Variants in TULP4 observed in about 807,000 individuals in gnomAD.
The protein encoded by TULP4 is TUB like protein 4.
In TULP4, 16 loss-of-function variants were observed where a neutral mutation model predicts 129.0. The ratio of observed to expected loss-of-function variants is 0.12; its 90% CI spans 0.08 to 0.19. The LOEUF is 0.19. Ranked by LOEUF, TULP4 falls within the 10% of genes least tolerant of loss-of-function variation. TULP4 has a pLI of 1.00. For missense variants in TULP4, 1,842 were observed against 2,059.1 expected, an observed-to-expected ratio of 0.89 and a Z score of 2.04; for synonymous variants, 998 against 854.0, an observed-to-expected ratio of 1.17 and a Z score of -2.94.
intron 1 of TULP4, among the ~76,000 whole-genome samples, chr6:158,327,867 T>C (rs1309025866): frequency 2.0e-5 from 3 of 152,178 alleles, no homozygotes; most frequent in Non-Finnish European, 2.9e-5. Context: ...ATGAATCTCT[T>C]TGGCATCTTT....
chr6:158,348,128 G>T (rs1780355678), intron 1 of TULP4, among the ~76,000 whole-genome samples: 1 of 147,516 alleles, frequency 6.8e-6, no homozygotes, highest in South Asian at 2.1e-4. Flanking sequence ...AAATCCACTG[G>T]CCCTGTGCAT....
chr6:158,456,216 T>G (rs768462939), intron 5 of TULP4, among the ~76,000 whole-genome samples: 3 of 152,186 alleles, frequency 2.0e-5, no homozygotes, highest in Non-Finnish European at 4.4e-5. Context: ...TTTTATTCTC[T>G]TCTCTGGTGG....
chr6:158,373,958 G>T (rs910273372), intron 1 of TULP4, among the ~76,000 whole-genome samples: 3 of 152,080 alleles, frequency 2.0e-5, no homozygotes, highest in Non-Finnish European at 4.4e-5. Flanking sequence ...TGTGAGAAAG[G>T]CTTAATTTTC....
intron 1 of TULP4, among the ~76,000 whole-genome samples, chr6:158,358,978 C>T (rs776624890): frequency 7.2e-5 from 11 of 152,114 alleles, no homozygotes; most frequent in South Asian, 2.1e-4. Flanking sequence ...CAATCTAAGC[C>T]GTTTCAGCTT....
chr6:158,405,139 T>G (rs1336684869), intron 1 of TULP4, among the ~76,000 whole-genome samples: 1 of 152,224 alleles, frequency 6.6e-6, no homozygotes, highest in Admixed American at 6.5e-5. Flanking sequence ...TTAAACTTAT[T>G]GTTGCTGAAA....
At chr6:158,429,073 C>T (rs1366211830) in intron 2 of TULP4, among the ~76,000 whole-genome samples, 2 of 152,192 alleles carry the variant, frequency 1.3e-5, no homozygotes, top group Non-Finnish European at 2.9e-5. Flanking sequence ...GCCTCAACCT[C>T]CTAGGCTCAA....
At chr6:158,420,037 G>A (rs1185129954) in intron 2 of TULP4, among the ~76,000 whole-genome samples, 1 of 152,180 alleles carries the variant, frequency 6.6e-6, no homozygotes, top group African/African-American at 2.4e-5. Flanking sequence ...TCTAGGGCAG[G>A]ATTCTGCAAA....
In TULP4 at chr6:158,238,594, C is replaced by G. The variant is rs1223094745; in HGVS notation, n.68+6291C>G. ...CTGCGGCCTTCCGCAGTGTTTGTGT[C>G]CCTGATTACTTGAGATTAGGGATTG... On this transcript the variant is annotated intron_variant and non_coding_transcript_variant, in intron 1 of 1. Coordinates refer to the TULP4 transcript ENST00000620026. Among the ~76,000 whole-genome samples, 356 of 116,874 alleles carry G rather than the reference C, an allele frequency of 3.0e-3. 2 individuals are homozygous for G. Among genetic ancestry groups the G allele is most frequent in the African/African-American group, 0.011 (336 of 30,384 alleles). 76.7% of individuals were successfully genotyped at this position (116,874 alleles called of 152,430 possible). A position where few individuals can be genotyped will look rare whatever the true frequency, so the allele number is the denominator to read the frequency against.
At chr6:158,492,107 C>G (rs931912138) in intron 9 of TULP4, among the ~76,000 whole-genome samples, 8 of 152,208 alleles carry the variant, frequency 5.3e-5, no homozygotes, top group Non-Finnish European at 1.0e-4. Flanking sequence ...ATCCGCCCGC[C>G]TTGGCCTCCC....
intron 1 of TULP4, among the ~76,000 whole-genome samples, chr6:158,337,124 T>TTG: frequency 1.0e-5 from 1 of 96,612 alleles, no homozygotes; most frequent in Non-Finnish European, 2.0e-5. Context: ...CTCTCTTTCT[T>TTG]TCTCTTTTTT....
intron 5 of TULP4, 22 bp downstream of exon 5, chr6:158,452,290 C>A: frequency 1.2e-6 from 2 of 1,612,368 alleles, no homozygotes; most frequent in East Asian, 2.2e-5. Context: ...TGCACACACC[C>A]CAAACCTGCA....
At chr6:158,406,507 T>A (rs1009244401) in intron 1 of TULP4, among the ~76,000 whole-genome samples, 2 of 152,222 alleles carry the variant, frequency 1.3e-5, no homozygotes, top group African/African-American at 4.8e-5. Context: ...GCAGCTATGA[T>A]GAGTGGAAAA....
At chr6:158,353,048 G>GA (rs1406829120) in intron 1 of TULP4, among the ~76,000 whole-genome samples, 3 of 152,158 alleles carry the variant, frequency 2.0e-5, no homozygotes, top group African/African-American at 7.2e-5. Flanking sequence ...TCCAGCTGAT[G>GA]AAAAAAGTTT....
In TULP4 at chr6:158,507,965, A is replaced by G. The variant is rs2128269026; in HGVS notation, c.*1271A>G. ...TGTTTATTAACTGTACAGACTGTTT[A>G]CTAAGGAGCTAAACCACTGAGAAAA... On this transcript the variant is annotated 3_prime_UTR_variant, in exon 14 of 14. Transcript: ENST00000367097. 6.6e-6 allele frequency: 1 copy of G among 152,210 alleles called. No individual in the cohort carries two copies. The highest frequency in any genetic ancestry group is 2.1e-4 in the South Asian group (1 of 4,832). The allele number at this position is 152,210 out of a possible 1,614,324, so 9.4% of individuals were successfully genotyped here.
chr6:158,505,217 TC>T (rs1780573597), intron 13 of TULP4, among the ~76,000 whole-genome samples: 1 of 152,144 alleles, frequency 6.6e-6, no homozygotes, highest in African/African-American at 2.4e-5. Context: ...GCTGCCAACG[TC>T]CCCCTTCACC....
chr6:158,461,802 A>G, intron 6 of TULP4, 73 bp downstream of exon 6: 20 of 1,493,948 alleles, frequency 1.3e-5, no homozygotes, highest in Non-Finnish European at 1.7e-5. Flanking sequence ...ATTATTGTTG[A>G]CAAATTTTAT....
At chr6:158,487,519 A>C (rs1780099974) in intron 8 of TULP4, among the ~76,000 whole-genome samples, 1 of 152,246 alleles carries the variant, frequency 6.6e-6, no homozygotes, top group Non-Finnish European at 1.5e-5. Context: ...TGAGATGTAA[A>C]GCCCCAGACA....
At chr6:158,347,477 C>T (rs1184705395) in intron 1 of TULP4, among the ~76,000 whole-genome samples, 1 of 152,174 alleles carries the variant, frequency 6.6e-6, no homozygotes, top group Non-Finnish European at 1.5e-5. Context: ...TCTTTTAGTC[C>T]ACATAACGGC....
chr6:158,251,139 C>T (rs1165917659), intron 1 of TULP4, among the ~76,000 whole-genome samples: 1 of 152,194 alleles, frequency 6.6e-6, no homozygotes, highest in Non-Finnish European at 1.5e-5. Flanking sequence ...CCTTTCTCTT[C>T]ATTTTGTGTC....
Sources: gnomAD v4.1 joint callset for allele counts (sites outside exome capture counted in the v4.1 genomes callset) on GRCh38, gnomAD v4.1.1 for gene constraint, MANE v1.5 for transcripts, NCBI Gene and HGNC (gene_info 2026-07-23, HGNC 2026-07-21) for gene names.